Variants in PROSER1 observed in about 807,000 individuals in gnomAD.
PROSER1 encodes proline and serine rich 1, also known as proline and serine-rich protein 1.
PROSER1 carries 36 observed loss-of-function variants against 71.8 expected under a neutral mutation model. That is an observed-to-expected ratio of 0.50 (90% CI 0.38 to 0.66). The LOEUF is 0.66. Ranked by LOEUF, PROSER1 falls within the 30% of genes least tolerant of loss-of-function variation. The pLI, the probability that PROSER1 is intolerant of heterozygous loss-of-function variation, is 0.00. For missense variants in PROSER1, 1,107 were observed against 1,135.0 expected, an observed-to-expected ratio of 0.98 and a Z score of 0.35; for synonymous variants, 490 against 452.4, an observed-to-expected ratio of 1.08 and a Z score of -1.06.
chr13:39,037,816 A>G lies in PROSER1; in HGVS notation c.-574T>C, dbSNP rs1871218139. ...CCCAGCCGCTCCGCCCGACTCCTGG[A>G]TACCTCGGCCCCGGCAGCAGGCGGC... On this transcript the variant is annotated 5_prime_UTR_variant, in exon 1 of 13. Transcript: ENST00000352251. 1 of 152,272 alleles carries G rather than the reference A, an allele frequency of 6.6e-6. No individual in the cohort carries two copies. Among genetic ancestry groups the G allele is most frequent in the South Asian group, 2.1e-4 (1 of 4,838 alleles). 9.4% of individuals were successfully genotyped at this position (152,272 alleles called of 1,614,324 possible). A position where few individuals can be genotyped will look rare whatever the true frequency, so the allele number is the denominator to read the frequency against.
At chr13:39,016,019 G>A (rs1869993149) in intron 10 of PROSER1, among the ~76,000 whole-genome samples, 1 of 152,162 alleles carries the variant, frequency 6.6e-6, no homozygotes, top group South Asian at 2.1e-4. Context: ...TGAAGACCAT[G>A]TAGCTAATGA....
At chr13:39,017,027 A>G (rs1870039474) in intron 10 of PROSER1, among the ~76,000 whole-genome samples, 1 of 152,098 alleles carries the variant, frequency 6.6e-6, no homozygotes, top group African/African-American at 2.4e-5. Flanking sequence ...CTTCATTTTC[A>G]TTTTTCAATT....
chr13:39,012,237 A>C lies in PROSER1; in HGVS notation c.2562-4T>G. 1 of 1,613,228 alleles carries C rather than the reference A, an allele frequency of 6.2e-7. No individual in the cohort carries two copies. The highest frequency in any genetic ancestry group is 8.5e-7 in the Non-Finnish European group (1 of 1,179,762). ...AGCTTGAAGTCCAGATGATAAACTA[A>C]AACAATTGACAGAAAAACAAGTTAA... On this transcript the variant is annotated splice_region_variant and splice_polypyrimidine_tract_variant and intron_variant, in intron 11 of 12. Coordinates refer to ENST00000352251, the MANE Select transcript of PROSER1 (RefSeq NM_025138.5).
rs1329347016 is a variant in PROSER1 at position 39,010,225 on chromosome 13, T to C, written c.*1140A>G. On this transcript the variant is annotated 3_prime_UTR_variant, in exon 13 of 13. Transcript: ENST00000352251. Reference sequence around the variant, plus strand: ...AGGTTTATTAATATACTTAAAAAGTTTGTTCCCTATGTTGAAGTAAAATAC... The same window carrying C: ...AGGTTTATTAATATACTTAAAAAGTCTGTTCCCTATGTTGAAGTAAAATAC... The C allele has an allele frequency of 6.6e-6, 1 of 152,626 alleles. No homozygotes were observed. The highest frequency in any genetic ancestry group is 1.5e-5 in the Non-Finnish European group (1 of 68,026). 9.5% of individuals were successfully genotyped at this position (152,626 alleles called of 1,614,324 possible).
chr13:39,013,401 C>T lies in PROSER1; in HGVS notation c.1851G>A (p.Ser617=), dbSNP rs187828982. 67 of 1,614,024 alleles carry T rather than the reference C, an allele frequency of 4.2e-5. No homozygotes were observed. The highest frequency in any genetic ancestry group is 1.5e-4 in the South Asian group (14 of 91,076). The part of the protein sequence containing the change: ...IKTEPTSPTP[S]AFKGPSHSGN... ...CAGAATGAGATGGACCTTTGAAGGCCGAGGGAGTAGGACTTGTGGGCTCAG... is the reference window on the plus strand; with the variant it reads ...CAGAATGAGATGGACCTTTGAAGGCTGAGGGAGTAGGACTTGTGGGCTCAG... The change falls in exon 11 of 13, where the codon TCG becomes TCA. Residue 617 remains serine, a synonymous_variant. Coordinates refer to ENST00000352251, the MANE Select transcript of PROSER1 (RefSeq NM_025138.5).
At chr13:39,035,168 TA>T (rs1593543911) in intron 1 of PROSER1, among the ~76,000 whole-genome samples, 1 of 152,242 alleles carries the variant, frequency 6.6e-6, no homozygotes, top group Admixed American at 6.5e-5. Flanking sequence ...AGTAGTTCAA[TA>T]TTCACTGAAA....
intron 3 of PROSER1, 110 bp downstream of exon 3, chr13:39,031,453 G>C (rs1203841300): frequency 8.9e-6 from 7 of 790,096 alleles, no homozygotes; most frequent in Admixed American, 8.2e-5. Context: ...ATAACACATA[G>C]AGTTCGCTTT....
At chr13:39,036,850 ACT>A (rs1277863770) in intron 1 of PROSER1, among the ~76,000 whole-genome samples, 1 of 152,128 alleles carries the variant, frequency 6.6e-6, no homozygotes, top group African/African-American at 2.4e-5. Context: ...GTTTTCAGTC[ACT>A]CTTGTGTTAC....
chr13:39,031,498 C>A, intron 3 of PROSER1, 65 bp downstream of exon 3: 1 of 1,157,602 alleles, frequency 8.6e-7, no homozygotes, highest in Non-Finnish European at 1.3e-6. Context: ...AAATAAATTA[C>A]ACACAACTGG....
rs1258927773 is a variant in PROSER1, at chr13:39,013,933, G to A, written c.1319C>T (p.Ser440Phe). ...AGGAGTCGGGTTGGATAGGCCTTGGGATGTTGGTGGTAAGGGCAAAGGGAG... is the reference window on the plus strand; with the variant it reads ...AGGAGTCGGGTTGGATAGGCCTTGGAATGTTGGTGGTAAGGGCAAAGGGAG... ...AGLPLPLPPT[S>F]QGLSNPTPVI... Residue 440 changes from serine to phenylalanine, a missense_variant, in exon 11 of 13, where the codon TCC becomes TTC. Coordinates refer to ENST00000352251, the MANE Select transcript of PROSER1 (RefSeq NM_025138.5). The A allele has an allele frequency of 3.1e-6, 5 of 1,614,188 alleles. No individual in the cohort carries two copies. The highest frequency in any genetic ancestry group is 2.5e-6 in the Non-Finnish European group (3 of 1,180,030).
intron 10 of PROSER1, among the ~76,000 whole-genome samples, chr13:39,015,556 G>T (rs533321879): frequency 4.6e-5 from 7 of 152,150 alleles, no homozygotes; most frequent in African/African-American, 1.7e-4. Context: ...CACGGTCAAC[G>T]AATACACTAT....
intron 5 of PROSER1, among the ~76,000 whole-genome samples, chr13:39,027,254 A>C (rs1421057186): frequency 6.6e-6 from 1 of 152,174 alleles, no homozygotes; most frequent in Non-Finnish European, 1.5e-5. Flanking sequence ...AATAAAGAGT[A>C]CCGGGGTGAA....
Position 39,034,196 on chromosome 13 carries a change from C to A in PROSER1, c.46G>T (p.Ala16Ser), listed in dbSNP as rs1365902672. 6.3e-7 allele frequency: 1 copy of A among 1,579,754 alleles called. No homozygotes were observed. The highest frequency in any genetic ancestry group is 8.6e-7 in the Non-Finnish European group (1 of 1,166,414). The stretch of plus-strand genomic sequence containing the variant: ...TTTAATTTGTATTCTGTCAAAACAG[C>A]CTAAAAAAAAAAAACACACACACAC... ...FEMVLDEIRK[A>S]VLTEYKLKAI... Residue 16 changes from alanine (A) to serine (S), a missense_variant and splice_region_variant, in exon 2 of 13, where the codon GCT becomes TCT. By Grantham distance (99) the Ala-to-Ser change is moderately conservative (BLOSUM62 1). Coordinates refer to ENST00000352251, the MANE Select transcript of PROSER1 (RefSeq NM_025138.5).
intron 10 of PROSER1, among the ~76,000 whole-genome samples, chr13:39,015,589 C>G (rs1473876582): frequency 6.6e-6 from 1 of 151,572 alleles, no homozygotes; most frequent in Non-Finnish European, 1.5e-5. Flanking sequence ...TGGGAAGGGA[C>G]AATAGGAAGA....
rs201323836 is a variant in PROSER1 at position 39,012,858 on chromosome 13, G to C, written c.2394C>G (p.Ser798Arg). Residue 798 changes from serine to arginine, a missense_variant, in exon 11 of 13, where the codon AGC becomes AGG. Physicochemically the swap from Ser to Arg is moderately radical, Grantham distance 110 (BLOSUM62 -1). Transcript: ENST00000352251. ...GGAATGAGGGAAGAGCAGGGGTAAC[G>C]CTTGGGGTATTAGAGACAGAAAAGC... is the stretch of plus-strand genomic sequence containing the variant. ...YPGFSVSNTP[S>R]VTPALPSFPG... 6.2e-7 allele frequency: 1 copy of C among 1,614,190 alleles called. No homozygotes were observed. The highest frequency in any genetic ancestry group is 1.1e-5 in the South Asian group (1 of 91,082).
chr13:39,032,681 G>C (rs375444692), intron 2 of PROSER1, among the ~76,000 whole-genome samples: 4 of 151,996 alleles, frequency 2.6e-5, no homozygotes, highest in African/African-American at 9.6e-5. Context: ...ACTTTGATGG[G>C]AATAATGTTC....
intron 1 of PROSER1, among the ~76,000 whole-genome samples, chr13:39,036,674 T>C (rs184167688): frequency 1.3e-5 from 2 of 152,300 alleles, no homozygotes; most frequent in East Asian, 3.9e-4. Flanking sequence ...GCTCAAGTTA[T>C]TGACGGCCAA....
At chr13:39,024,763 A>G (rs973136099) in intron 6 of PROSER1, among the ~76,000 whole-genome samples, 2 of 152,058 alleles carry the variant, frequency 1.3e-5, no homozygotes, top group African/African-American at 4.8e-5. Context: ...CTCATATCAC[A>G]TGCAAAGGTA....
At chr13:39,019,708 C>G (rs1303434198) in intron 9 of PROSER1, among the ~76,000 whole-genome samples, 1 of 150,490 alleles carries the variant, frequency 6.6e-6, no homozygotes, top group Non-Finnish European at 1.5e-5. Context: ...GCAATTTGAC[C>G]AATACAATTT....
Sources: allele counts gnomAD v4.1 joint callset (sites outside exome capture counted in the v4.1 genomes callset), GRCh38; gene constraint gnomAD v4.1.1; transcripts MANE v1.5; gene names NCBI Gene and HGNC (gene_info 2026-07-23, HGNC 2026-07-21).